PPP2R2B: variants seen among roughly 807,000 people sequenced by gnomAD.
The protein encoded by PPP2R2B is serine/threonine-protein phosphatase 2A 55 kDa regulatory subunit B beta isoform.
Under a neutral mutation model 46.0 loss-of-function variants are expected in PPP2R2B, and 5 were observed. That is an observed-to-expected ratio of 0.11 (90% CI 0.06 to 0.23). The LOEUF is 0.23. PPP2R2B is among the 10% of genes least tolerant of loss of function. The probability of loss-of-function intolerance (pLI) is 1.00; values close to 1 mark genes in which losing one functional copy is unlikely to be tolerated. For missense variants in PPP2R2B, 367 were observed against 575.0 expected, an observed-to-expected ratio of 0.64 and a Z score of 3.70; for synonymous variants, 215 against 206.7, an observed-to-expected ratio of 1.04 and a Z score of -0.34.
At chr5:146,632,061 G>GCC (rs58956274) in intron 7 of PPP2R2B, among the ~76,000 whole-genome samples, 1,585 of 103,892 alleles carry the variant, frequency 0.015, 15 homozygotes, top group Admixed American at 0.037. Flanking sequence ...GCTGAGTTGT[G>GCC]CCCCCCCCCC....
At chr5:146,983,274 G>A (rs1023776078) in intron 1 of PPP2R2B, among the ~76,000 whole-genome samples, 3 of 131,316 alleles carry the variant, frequency 2.3e-5, no homozygotes, top group African/African-American at 8.4e-5. Flanking sequence ...TCCACCTCCC[G>A]GGTTCACACC....
At chr5:146,642,645 G>A (rs372121740) in intron 6 of PPP2R2B, among the ~76,000 whole-genome samples, 4 of 152,158 alleles carry the variant, frequency 2.6e-5, no homozygotes, top group Admixed American at 1.3e-4. Flanking sequence ...TAAATGGGAA[G>A]ACACTAAAAC....
At chr5:146,634,513 T>C (rs1196406336) in intron 7 of PPP2R2B, among the ~76,000 whole-genome samples, 1 of 152,072 alleles carries the variant, frequency 6.6e-6, no homozygotes, top group African/African-American at 2.4e-5. Flanking sequence ...TTTTGTATTT[T>C]TAGTAGAGAC....
intron 2 of PPP2R2B, among the ~76,000 whole-genome samples, chr5:146,737,198 A>G (rs190261410): frequency 3.9e-5 from 6 of 152,304 alleles, no homozygotes; most frequent in Admixed American, 2.0e-4. Context: ...CTTTAGCTGC[A>G]CTGTGAATGT....
chr5:146,883,070 A>G (rs1190296735), upstream of PPP2R2B, among the ~76,000 whole-genome samples: 1 of 152,216 alleles, frequency 6.6e-6, no homozygotes, highest in Non-Finnish European at 1.5e-5. Flanking sequence ...CTATAATTTT[A>G]TTAAAACCTT....
At chr5:146,996,170 A>G (rs944049367) in intron 1 of PPP2R2B, among the ~76,000 whole-genome samples, 2 of 152,220 alleles carry the variant, frequency 1.3e-5, no homozygotes, top group Non-Finnish European at 2.9e-5. Flanking sequence ...GGCCTATGAC[A>G]GATTCACAGA....
Position 146,847,825 on chromosome 5 carries a change from T to C in PPP2R2B, c.70+30177A>G, listed in dbSNP as rs572906858. 3.3e-5 allele frequency among the ~76,000 whole-genome samples: 5 copies of C among 152,332 alleles called. No individual in the cohort carries two copies. In the South Asian group the frequency reaches 1.0e-3, roughly 32 times the overall value. ...ATTATTCTCTTATTATCCAATTCAT[T>C]GATGGGGAACTAAAGCCCAGATGGA... On this transcript the variant is annotated intron_variant, in intron 2 of 9. Coordinates refer to ENST00000394411, the MANE Select transcript of PPP2R2B (RefSeq NM_181675.4).
At chr5:146,696,263 C>T (rs773721923) in intron 4 of PPP2R2B, among the ~76,000 whole-genome samples, 5 of 152,024 alleles carry the variant, frequency 3.3e-5, no homozygotes, top group African/African-American at 1.2e-4. Context: ...GCCACCACAC[C>T]CGGCTAATTT....
At chr5:146,823,449 G>A (rs34887581) in intron 2 of PPP2R2B, among the ~76,000 whole-genome samples, 81 of 151,772 alleles carry the variant, frequency 5.3e-4, no homozygotes, top group Non-Finnish European at 8.7e-4. Context: ...TGCCCTCCTC[G>A]GCCTCTCAAA....
chr5:146,857,110 G>T (rs1286319808), intron 2 of PPP2R2B, among the ~76,000 whole-genome samples: 1 of 152,092 alleles, frequency 6.6e-6, no homozygotes, highest in African/African-American at 2.4e-5. Context: ...CAGCGTTTGG[G>T]GTAGGGTTTT....
intron 1 of PPP2R2B, among the ~76,000 whole-genome samples, chr5:146,948,026 A>G (rs1764538279): frequency 6.6e-6 from 1 of 151,852 alleles, no homozygotes; most frequent in South Asian, 2.1e-4. Context: ...AGTTCTCTTC[A>G]TTCATATTTT....
intron 1 of PPP2R2B, among the ~76,000 whole-genome samples, chr5:146,886,065 G>A (rs763861282): frequency 1.2e-4 from 18 of 152,172 alleles, no homozygotes; most frequent in Admixed American, 3.9e-4. Flanking sequence ...GCGGCCGGGC[G>A]CGGTGGCTCA....
intron 1 of PPP2R2B, among the ~76,000 whole-genome samples, chr5:146,921,558 T>C (rs1484038476): frequency 6.6e-6 from 1 of 152,218 alleles, no homozygotes; most frequent in Non-Finnish European, 1.5e-5. Context: ...TAGAGAGACA[T>C]GAGAAAAGAC....
intron 2 of PPP2R2B, among the ~76,000 whole-genome samples, chr5:146,824,864 C>T (rs938274054): frequency 1.3e-5 from 2 of 151,554 alleles, no homozygotes; most frequent in Non-Finnish European, 2.9e-5. Flanking sequence ...ATTACAGGTG[C>T]CCACCACCAC....
chr5:146,842,463 A>T (rs1476700923), intron 2 of PPP2R2B, among the ~76,000 whole-genome samples: 1 of 150,984 alleles, frequency 6.6e-6, no homozygotes, highest in African/African-American at 2.5e-5. Flanking sequence ...ACATACTTCA[A>T]AAAAATACCT....
In PPP2R2B at chr5:146,941,829, C is replaced by T. The variant is rs111913153; in HGVS notation, c.79+113836G>A. Among the ~76,000 whole-genome samples, 629 of 152,270 alleles carry T rather than the reference C, an allele frequency of 4.1e-3. 3 individuals carry two copies. Among genetic ancestry groups the T allele is most frequent in the Admixed American group, 9.2e-3 (140 of 15,290 alleles). ...CATAACAAAGTCACAAACTAGGTGT[C>T]TTAAATGACAGGCATTTATTCTTTC... On this transcript the variant is annotated intron_variant, in intron 1 of 8. Coordinates refer to the PPP2R2B transcript ENST00000336640.
intron 7 of PPP2R2B, among the ~76,000 whole-genome samples, chr5:146,631,401 A>G (rs1294933747): frequency 6.6e-6 from 1 of 152,172 alleles, no homozygotes; most frequent in Non-Finnish European, 1.5e-5. Context: ...ACCTTGCTGC[A>G]TTCATGGTGA....
chr5:146,806,156 C>T (rs923461023), intron 2 of PPP2R2B, among the ~76,000 whole-genome samples: 4 of 152,094 alleles, frequency 2.6e-5, no homozygotes, highest in Admixed American at 6.6e-5. Context: ...GTGTGTGATG[C>T]GCACATACAC....
At chr5:146,704,707 G>T (rs962828342) in intron 2 of PPP2R2B, among the ~76,000 whole-genome samples, 2 of 152,090 alleles carry the variant, frequency 1.3e-5, no homozygotes, top group Non-Finnish European at 2.9e-5. Context: ...TAGCTCAATA[G>T]GCACTATTAA....
Sources: allele counts gnomAD v4.1 joint callset (sites outside exome capture counted in the v4.1 genomes callset), GRCh38; gene constraint gnomAD v4.1.1; transcripts MANE v1.5; gene names NCBI Gene and HGNC (gene_info 2026-07-23, HGNC 2026-07-21).